Variants in KDM4C observed in about 807,000 individuals in gnomAD.
The protein encoded by KDM4C is lysine demethylase 4C, also known as lysine-specific demethylase 4C.
A neutral mutation model predicts 129.3 loss-of-function variants in KDM4C; 81 were observed. That is an observed-to-expected ratio of 0.63 (90% CI 0.52 to 0.75). The LOEUF is 0.75. Ranked by LOEUF, KDM4C falls within the 30% of genes least tolerant of loss-of-function variation. KDM4C has a pLI of 0.00. For missense variants in KDM4C, 1,457 were observed against 1,304.0 expected (o/e 1.12, Z -1.81); for synonymous variants, 573 against 456.1 (o/e 1.26, Z -3.26).
chr9:6,985,099 C>T (rs1392818567), intron 10 of KDM4C, among the ~76,000 whole-genome samples: 4 of 152,196 alleles, frequency 2.6e-5, no homozygotes, highest in Non-Finnish European at 5.9e-5. Flanking sequence ...GCTGCTTCCT[C>T]CTCACTCATG....
rs140220735 is a variant in KDM4C at position 7,167,858 on chromosome 9, C to T, written c.2902-1940C>T. The stretch of plus-strand genomic sequence containing the variant: ...AGTGTTTGCTTAGTGCAAAGTGCAG[C>T]GATATATCAGTTGGACATTCTGTGA... On this transcript the variant is annotated intron_variant, in intron 20 of 21. Coordinates refer to ENST00000381309, the MANE Select transcript of KDM4C (RefSeq NM_015061.6). Among the ~76,000 whole-genome samples the T allele has an allele frequency of 2.0e-4, 31 of 152,194 alleles. No individual in the cohort carries two copies. In the East Asian group the frequency reaches 4.6e-3, roughly 23 times the overall value.
Position 6,945,091 on chromosome 9 carries a change from CCA to C in KDM4C, c.922-35831_922-35830del, listed in dbSNP as rs1165665324. 3.3e-5 allele frequency among the ~76,000 whole-genome samples: 5 copies of C among 152,224 alleles called. No individual in the cohort carries two copies. The East Asian group carries it at 9.6e-4, about 29-fold the overall frequency. On this transcript the variant is annotated intron_variant, in intron 8 of 21. Transcript: ENST00000381309. ...TCACTCTCTTTCTTGCTCTACACAG[CCA>C]CAGACATACCTTCCACCTCTTACTC...
At chr9:7,151,784 C>G (rs767804325) in intron 19 of KDM4C, among the ~76,000 whole-genome samples, 8 of 152,218 alleles carry the variant, frequency 5.3e-5, no homozygotes, top group Non-Finnish European at 1.0e-4. Context: ...TCGATTAACC[C>G]AGAGCCTGAA....
At chr9:7,121,748 A>C (rs1323409) in intron 18 of KDM4C, among the ~76,000 whole-genome samples, 130,026 of 151,908 alleles carry the variant, frequency 0.86, 55,906 homozygotes, top group African/African-American at 0.92. Context: ...GTAAATCTTA[A>C]ATGGGAAGTG....
At chr9:6,949,232 C>T (rs1827620783) in intron 8 of KDM4C, among the ~76,000 whole-genome samples, 1 of 148,994 alleles carries the variant, frequency 6.7e-6, no homozygotes, top group African/African-American at 2.5e-5. Context: ...CAGAGACGCT[C>T]CTCACCTCCC....
At chr9:6,742,646 A>G (rs1017311752) in intron 1 of KDM4C, among the ~76,000 whole-genome samples, 4 of 144,574 alleles carry the variant, frequency 2.8e-5, no homozygotes, top group African/African-American at 1.0e-4. Context: ...TTGTTCACAG[A>G]TTCCTCAGGC....
At chr9:6,951,682 G>A (rs1201136910) in intron 8 of KDM4C, among the ~76,000 whole-genome samples, 3 of 152,160 alleles carry the variant, frequency 2.0e-5, no homozygotes, top group East Asian at 3.9e-4. Flanking sequence ...ACATAACTTT[G>A]GGAAAACACT....
intron 19 of KDM4C, among the ~76,000 whole-genome samples, chr9:7,134,678 A>T (rs1024236914): frequency 6.6e-6 from 1 of 152,250 alleles, no homozygotes; most frequent in Non-Finnish European, 1.5e-5. Flanking sequence ...AATTTACATA[A>T]GATCGATAGA....
chr9:6,949,902 A>G (rs1339952266), intron 8 of KDM4C, among the ~76,000 whole-genome samples: 1 of 152,196 alleles, frequency 6.6e-6, no homozygotes, highest in African/African-American at 2.4e-5. Context: ...AGAATCAGAG[A>G]TAAATTGATG....
At chr9:7,093,621 G>A (rs907747837) in intron 17 of KDM4C, among the ~76,000 whole-genome samples, 4 of 152,062 alleles carry the variant, frequency 2.6e-5, no homozygotes, top group African/African-American at 7.2e-5. Flanking sequence ...GCAGTTTTTG[G>A]TAAAGCGTAT....
intron 1 of KDM4C, among the ~76,000 whole-genome samples, chr9:6,748,234 G>A (rs1383402077): frequency 1.3e-5 from 2 of 151,810 alleles, no homozygotes; most frequent in East Asian, 1.9e-4. Context: ...TTGGCTGGGC[G>A]TGGTGGCTCA....
chr9:7,158,688 G>T (rs1843457694), intron 19 of KDM4C, among the ~76,000 whole-genome samples: 1 of 152,178 alleles, frequency 6.6e-6, no homozygotes, highest in South Asian at 2.1e-4. Context: ...TAATTTGATT[G>T]CACTGTGGTC....
chr9:6,752,817 G>A (rs987161982), upstream of KDM4C, among the ~76,000 whole-genome samples: 2 of 152,026 alleles, frequency 1.3e-5, no homozygotes, highest in African/African-American at 2.4e-5. Flanking sequence ...TATAATCAGA[G>A]ACTTTATAAA....
intron 17 of KDM4C, among the ~76,000 whole-genome samples, chr9:7,093,408 C>T (rs368628932): frequency 3.3e-5 from 5 of 152,052 alleles, no homozygotes; most frequent in East Asian, 1.9e-4. Flanking sequence ...AAAAAGAAAA[C>T]GGAAAACTCA....
intron 3 of KDM4C, among the ~76,000 whole-genome samples, chr9:6,809,607 A>G (rs996989688): frequency 1.3e-5 from 2 of 152,194 alleles, no homozygotes; most frequent in African/African-American, 4.8e-5. Context: ...GTTCATAAGG[A>G]ATGGGTAATT....
chr9:7,169,976 A>C, intron 21 of KDM4C, 86 bp downstream of exon 21: 2 of 1,595,750 alleles, frequency 1.3e-6, no homozygotes, highest in South Asian at 2.3e-5. Flanking sequence ...CAGGAAACAT[A>C]CTTGGGCTTT....
chr9:6,807,024 G>C (rs923593870), intron 3 of KDM4C, among the ~76,000 whole-genome samples: 7 of 152,044 alleles, frequency 4.6e-5, no homozygotes, highest in South Asian at 2.1e-4. Flanking sequence ...TCAGTCTGCC[G>C]AATGCCTGCG....
At chr9:6,773,196 C>T (rs986259022) in intron 1 of KDM4C, among the ~76,000 whole-genome samples, 7 of 151,752 alleles carry the variant, frequency 4.6e-5, no homozygotes, top group Non-Finnish European at 8.8e-5. Flanking sequence ...GAGACAGGGT[C>T]TCCCTATATT....
At chr9:6,806,131 C>G (rs889207342) in intron 3 of KDM4C, among the ~76,000 whole-genome samples, 1 of 152,120 alleles carries the variant, frequency 6.6e-6, no homozygotes, top group African/African-American at 2.4e-5. Context: ...AAGATTAGTA[C>G]TTTTAAAAGC....
Sources: allele counts gnomAD v4.1 joint callset (sites outside exome capture counted in the v4.1 genomes callset), GRCh38; gene constraint gnomAD v4.1.1; transcripts MANE v1.5; gene names NCBI Gene and HGNC (gene_info 2026-07-23, HGNC 2026-07-21).